Variants in LIAS observed in about 807,000 individuals in gnomAD.
LIAS encodes the protein lipoic acid synthetase.
A neutral mutation model predicts 49.4 loss-of-function variants in LIAS; 36 were observed. The observed-to-expected ratio is 0.73, with a 90% CI of 0.56 to 0.96. LIAS has a LOEUF of 0.96. Among genes scored for constraint, LIAS ranks in the 40% least tolerant of loss-of-function variants. LIAS has a pLI of 0.00. For missense variants in LIAS, 399 were observed against 456.3 expected, an observed-to-expected ratio of 0.87 and a Z score of 1.14; for synonymous variants, 145 against 155.8, an observed-to-expected ratio of 0.93 and a Z score of 0.52.
chr4:39,460,935 G>A lies in LIAS; in HGVS notation c.191G>A (p.Gly64Glu), dbSNP rs1350478816. Residue 64 changes from glycine (G) to glutamate (E), a missense_variant, in exon 2 of 11, where the codon GGA becomes GAA. By Grantham distance (98) the Gly-to-Glu change is moderately conservative. This residue lies in a region of LIAS where 159 missense variants were observed against 147.6 expected (regional missense o/e 1.08). Transcript: ENST00000640888. ...AGGAGCACCTGGGATGAATATAAAG[G>A]AAACCTAAAACGCCAGAAAGGAGAA... ...ADRSTWDEYKGNLKRQKGERL... is the reference protein window; with the variant it reads ...ADRSTWDEYKENLKRQKGERL... 4.4e-6 allele frequency: 7 copies of A among 1,600,216 alleles called. No individual in the cohort carries two copies. In the South Asian group the frequency reaches 8.0e-5, roughly 18 times the overall value.
At chr4:39,466,526 C>G (rs1744761884) in intron 6 of LIAS, 1 of 151,732 alleles carries the variant, frequency 6.6e-6, no homozygotes, top group African/African-American at 2.4e-5. Context: ...CAAGACCAGC[C>G]TGGGCAACAT....
At chr4:39,471,966 T>C (rs555930672) in intron 9 of LIAS, among the ~76,000 whole-genome samples, 68 of 152,192 alleles carry the variant, frequency 4.5e-4, no homozygotes, top group Non-Finnish European at 9.6e-4. Flanking sequence ...GCCCAGCCCA[T>C]GTATAGCTTT....
intron 10 of LIAS, chr4:39,475,182 G>A (rs1578247055): frequency 6.6e-6 from 1 of 152,176 alleles, no homozygotes; most frequent in Admixed American, 6.6e-5. Context: ...ACTCCAGCCT[G>A]GCGAAAGAGC....
rs368786581 is a variant in LIAS at position 39,459,137 on chromosome 4, A to T, written c.20A>T (p.Asp7Val). MSLRCG[D>V]AARTLGPRVF... ...GAGGAAATGTCTCTACGCTGCGGGG[A>T]TGCAGCCCGCACCCTGGGGCCCCGG... is the stretch of plus-strand genomic sequence containing the variant. Residue 7 changes from aspartate (D) to valine (V), a missense_variant, in exon 1 of 11, where the codon GAT (aspartate) becomes GTT (valine). This residue lies in a region of LIAS where 159 missense variants were observed against 147.6 expected (regional missense o/e 1.08). Coordinates refer to ENST00000640888, the MANE Select transcript of LIAS (RefSeq NM_006859.4). The T allele has an allele frequency of 7.1e-5, 114 of 1,613,754 alleles. No individual in the cohort carries two copies. Among genetic ancestry groups the T allele is most frequent in the Non-Finnish European group, 8.3e-5 (98 of 1,180,010 alleles).
At chr4:39,476,715 A>G (rs1745205870) in intron 10 of LIAS, 1 of 175,176 alleles carries the variant, frequency 5.7e-6, no homozygotes, top group South Asian at 1.6e-4. Context: ...TTGGAAATGA[A>G]TTTTGCCAAG....
At chr4:39,470,240 C>A in intron 8 of LIAS, 76 bp downstream of exon 8, 16 of 1,271,496 alleles carry the variant, frequency 1.3e-5, no homozygotes, top group Non-Finnish European at 1.7e-5. Context: ...TTTGAAGGCC[C>A]TTCTAAGAAC....
At chr4:39,463,868 T>C in intron 4 of LIAS, 2 of 506,282 alleles carry the variant, frequency 4.0e-6, no homozygotes, top group Non-Finnish European at 6.0e-6. Flanking sequence ...TATCAATGTT[T>C]GGAAACATTA....
chr4:39,478,630 T>C lies in LIAS; in HGVS notation c.*1515T>C, dbSNP rs1388897105. On this transcript the variant is annotated 3_prime_UTR_variant, in exon 11 of 11. Coordinates refer to ENST00000640888, the MANE Select transcript of LIAS (RefSeq NM_006859.4). ...CATAATGCTGCCTAAGACATGGAAA[T>C]AGAACCTAGAAATATTAACCCTTAT... 6.6e-6 allele frequency: 1 copy of C among 152,222 alleles called. No individual in the cohort carries two copies. Among genetic ancestry groups the C allele is most frequent in the Non-Finnish European group, 1.5e-5 (1 of 68,028 alleles). The allele number at this position is 152,222 out of a possible 1,614,324, so 9.4% of individuals were successfully genotyped here.
chr4:39,463,291 C>A (rs921652526), intron 3 of LIAS, among the ~76,000 whole-genome samples: 26 of 152,072 alleles, frequency 1.7e-4, no homozygotes, highest in Non-Finnish European at 3.5e-4. Context: ...ACTATGTTGC[C>A]CAGACTGGTT....
At chr4:39,465,666 T>TG (rs1744727601) in intron 6 of LIAS, among the ~76,000 whole-genome samples, 1 of 107,634 alleles carries the variant, frequency 9.3e-6, no homozygotes, top group Non-Finnish European at 1.9e-5. Flanking sequence ...TTCTTAGTAA[T>TG]GATTTTTTTT....
intron 4 of LIAS, 144 bp from the exon 5 acceptor site, chr4:39,464,902 C>G: frequency 1.7e-6 from 1 of 597,038 alleles, no homozygotes; most frequent in Non-Finnish European, 2.9e-6. Flanking sequence ...TGTTCCTTGA[C>G]TATCATTTAG....
chr4:39,477,149 T>G lies in LIAS; in HGVS notation c.*34T>G. The G allele has an allele frequency of 6.4e-7, 1 of 1,551,062 alleles. No homozygotes were observed. The highest frequency in any genetic ancestry group is 1.2e-5 in the South Asian group (1 of 85,388). ...CAAGACCTTCAAGATCACAGAAATT[T>G]TTAAAATTTGATTCCAGTTAATAAC... On this transcript the variant is annotated 3_prime_UTR_variant, in exon 11 of 11. Coordinates refer to ENST00000640888, the MANE Select transcript of LIAS (RefSeq NM_006859.4).
intron 9 of LIAS, among the ~76,000 whole-genome samples, chr4:39,471,517 ATTTTTTT>A (rs766866733): frequency 3.0e-4 from 22 of 74,352 alleles, no homozygotes; most frequent in Admixed American, 2.2e-3. Context: ...CATATATATA[ATTTTTTT>A]TTTTTTTTTT....
chr4:39,477,554 T>TTTTTTTTTATTTGTA lies in LIAS; in HGVS notation c.*439_*440insTTTTTTTTATTTGTA, dbSNP rs1745241612. On this transcript the variant is annotated 3_prime_UTR_variant, in exon 11 of 11. Transcript: ENST00000640888. ...CAAATAAATAAAAAGGAAAAAAAAG[T>TTTTTTTTTATTTGTA]CAATAAACTGTACAAATTTAATTAC... The TTTTTTTTTATTTGTA allele has an allele frequency of 6.4e-6, 1 of 155,816 alleles. No individual in the cohort carries two copies. Among genetic ancestry groups the TTTTTTTTTATTTGTA allele is most frequent in the South Asian group, 2.0e-4 (1 of 5,084 alleles). 9.7% of individuals were successfully genotyped at this position (155,816 alleles called of 1,614,324 possible).
Position 39,471,324 on chromosome 4 carries a change from T to TG in LIAS, c.954+19dup. 2 of 1,535,332 alleles carry TG rather than the reference T, an allele frequency of 1.3e-6. No homozygotes were observed. The highest frequency in any genetic ancestry group is 1.2e-5 in the South Asian group (1 of 85,060). On this transcript the variant is annotated intron_variant, in intron 9 of 10. Coordinates refer to ENST00000640888, the MANE Select transcript of LIAS (RefSeq NM_006859.4). The stretch of plus-strand genomic sequence containing the variant: ...ACCTTAAGGTACATGTATCTTGATT[T>TG]GCTTTTTTTTTTTTTTTTTATTTTT...
In LIAS at chr4:39,459,094, C is replaced by T. The variant is rs1482683097; in HGVS notation, c.-24C>T. 2.5e-6 allele frequency: 4 copies of T among 1,614,012 alleles called. No homozygotes were observed. The Admixed American group carries it at 5.0e-5, about 20-fold the overall frequency. ...GGAGTTAGCGATCCCTCAACCCCTG[C>T]ACTGCGCTAGTCCTAAAGAGGAAAT... On this transcript the variant is annotated 5_prime_UTR_variant, in exon 1 of 11. Transcript: ENST00000640888.
rs942951629 is a variant in LIAS, at chr4:39,478,235, G to A, written c.*1120G>A. The A allele has an allele frequency of 6.6e-6, 1 of 152,194 alleles. No individual in the cohort carries two copies. Among genetic ancestry groups the A allele is most frequent in the African/African-American group, 2.4e-5 (1 of 41,434 alleles). 9.4% of individuals were successfully genotyped at this position (152,194 alleles called of 1,614,324 possible). On this transcript the variant is annotated 3_prime_UTR_variant, in exon 11 of 11. Coordinates refer to ENST00000640888, the MANE Select transcript of LIAS (RefSeq NM_006859.4). ...AGAGTGAATGTTGGCCAGATGTGGT[G>A]GCTCATGCCTGTAATTCCAGCACTC... is the stretch of plus-strand genomic sequence containing the variant.
Position 39,459,138 on chromosome 4 carries a change from T to C in LIAS, c.21T>C (p.Asp7=). MSLRCG[D]AARTLGPRVF... ...AGGAAATGTCTCTACGCTGCGGGGA[T>C]GCAGCCCGCACCCTGGGGCCCCGGG... Residue 7 remains aspartate (D), a synonymous_variant, in exon 1 of 11, where the codon GAT becomes GAC. Coordinates refer to ENST00000640888, the MANE Select transcript of LIAS (RefSeq NM_006859.4). The C allele has an allele frequency of 1.9e-6, 3 of 1,613,890 alleles. No homozygotes were observed. Among genetic ancestry groups the C allele is most frequent in the South Asian group, 2.2e-5 (2 of 91,090 alleles).
In LIAS at chr4:39,477,179, GT is replaced by G; in HGVS notation, c.*65del. 2 of 1,297,790 alleles carry G rather than the reference GT, an allele frequency of 1.5e-6. No individual in the cohort carries two copies. The highest frequency in any genetic ancestry group is 2.2e-6 in the Non-Finnish European group (2 of 914,786). 80.4% of individuals were successfully genotyped at this position (1,297,790 alleles called of 1,614,324 possible). ...AATTTGATTCCAGTTAATAACAGAG[GT>G]GGTGCCAGAATGCCTGGACTGCAGT... On this transcript the variant is annotated 3_prime_UTR_variant, in exon 11 of 11. Coordinates refer to ENST00000640888, the MANE Select transcript of LIAS (RefSeq NM_006859.4).
Sources: allele counts gnomAD v4.1 joint callset (sites outside exome capture counted in the v4.1 genomes callset), GRCh38; gene constraint gnomAD v4.1.1; regional missense constraint gnomAD v4.1.1; transcripts MANE v1.5; gene names NCBI Gene and HGNC (gene_info 2026-07-23, HGNC 2026-07-21).